Variants in CSMD1 observed in about 807,000 individuals in gnomAD.
CSMD1 encodes the protein CUB and Sushi multiple domains 1.
In CSMD1, 213 loss-of-function variants were observed where a neutral mutation model predicts 417.5. The ratio of observed to expected loss-of-function variants is 0.51; its 90% CI spans 0.46 to 0.57. CSMD1 has a LOEUF of 0.57. Ranked by LOEUF, CSMD1 falls within the 20% of genes least tolerant of loss-of-function variation. The pLI is 0.00. For synonymous variants in CSMD1, 2,862 were observed against 1,736.8 expected (o/e 1.65, Z -16.11); for missense variants, 6,923 against 4,529.7 (o/e 1.53, Z -15.17).
intron 7 of CSMD1, among the ~76,000 whole-genome samples, chr8:3,657,150 C>CA (rs985514919): frequency 9.9e-5 from 15 of 151,558 alleles, no homozygotes; most frequent in African/African-American, 3.6e-4. Flanking sequence ...CATTTGGCTA[C>CA]AAAAAAAAGT....
At chr8:3,836,930 C>T (rs1802747507) in intron 5 of CSMD1, among the ~76,000 whole-genome samples, 1 of 151,456 alleles carries the variant, frequency 6.6e-6, no homozygotes, top group Non-Finnish European at 1.5e-5. Context: ...AGTTAAATCT[C>T]AATGCACTAA....
At chr8:3,745,355 C>A (rs1329753033) in intron 6 of CSMD1, among the ~76,000 whole-genome samples, 1 of 152,190 alleles carries the variant, frequency 6.6e-6, no homozygotes, top group South Asian at 2.1e-4. Context: ...AAAACTACCA[C>A]TGAGACTGAG....
rs1025593692 is a variant in CSMD1, at chr8:4,454,519, A to G, written c.303-34454T>C. ...ATATACAATCCTTGGAAGCAAAGAA[A>G]AAGTGTGGTTTCTGATTTCTAATAC... On this transcript the variant is annotated intron_variant, in intron 2 of 69. Coordinates refer to ENST00000635120, the MANE Select transcript of CSMD1 (RefSeq NM_033225.6). 5.3e-5 allele frequency among the ~76,000 whole-genome samples: 8 copies of G among 152,298 alleles called. No homozygotes were observed. In the East Asian group the frequency reaches 9.7e-4, roughly 18 times the overall value.
intron 6 of CSMD1, among the ~76,000 whole-genome samples, chr8:3,736,238 T>C (rs984829571): frequency 1.3e-5 from 2 of 151,140 alleles, no homozygotes; most frequent in Non-Finnish European, 2.9e-5. Flanking sequence ...TGTGTATTTT[T>C]TTGTTTTGTT....
intron 41 of CSMD1, among the ~76,000 whole-genome samples, chr8:3,130,446 C>A (rs1817735446): frequency 6.6e-6 from 1 of 152,146 alleles, no homozygotes; most frequent in South Asian, 2.1e-4. Flanking sequence ...TCGCTTCCCC[C>A]AACCCCCATC....
intron 5 of CSMD1, among the ~76,000 whole-genome samples, chr8:3,791,261 G>A (rs1207759555): frequency 6.6e-6 from 1 of 152,136 alleles, no homozygotes; most frequent in Non-Finnish European, 1.5e-5. Context: ...TATATCCAAA[G>A]CATGTATGAT....
intron 10 of CSMD1, among the ~76,000 whole-genome samples, chr8:3,564,053 C>G (rs558024493): frequency 2.0e-5 from 3 of 152,052 alleles, no homozygotes; most frequent in African/African-American, 4.8e-5. Flanking sequence ...TGGGGGTACA[C>G]GTGATATTTT....
chr8:3,464,167 G>C (rs1198303698), intron 12 of CSMD1, among the ~76,000 whole-genome samples: 2 of 152,118 alleles, frequency 1.3e-5, no homozygotes. Flanking sequence ...CATGATTTCT[G>C]GAGATGCAGT....
intron 12 of CSMD1, among the ~76,000 whole-genome samples, chr8:3,446,836 T>C (rs931467223): frequency 1.3e-5 from 2 of 152,236 alleles, no homozygotes; most frequent in African/African-American, 4.8e-5. Flanking sequence ...GTTATTATTT[T>C]TGACTTCTAG....
At chr8:3,562,302 G>C (rs1354877372) in intron 10 of CSMD1, among the ~76,000 whole-genome samples, 2 of 127,866 alleles carry the variant, frequency 1.6e-5, no homozygotes, top group Admixed American at 7.6e-5. Context: ...TTAGAATCTA[G>C]AAAGACTTGG....
chr8:4,802,460 G>C (rs903380287), intron 1 of CSMD1, among the ~76,000 whole-genome samples: 4 of 151,976 alleles, frequency 2.6e-5, no homozygotes, highest in African/African-American at 9.7e-5. Context: ...CAGTGGACTT[G>C]AAAACAAACC....
chr8:4,355,898 G>C (rs887752950), intron 3 of CSMD1, among the ~76,000 whole-genome samples: 1 of 151,246 alleles, frequency 6.6e-6, no homozygotes, highest in African/African-American at 2.4e-5. Context: ...GCGCAGGTGA[G>C]TCTCATGATT....
At chr8:4,063,841 G>A (rs956777260) in intron 3 of CSMD1, among the ~76,000 whole-genome samples, 2 of 152,338 alleles carry the variant, frequency 1.3e-5, no homozygotes, top group African/African-American at 2.4e-5. Context: ...AAGGAACCAG[G>A]AGTAGACTAT....
At chr8:3,932,667 C>G (rs1489468571) in intron 5 of CSMD1, among the ~76,000 whole-genome samples, 1 of 150,394 alleles carries the variant, frequency 6.6e-6, no homozygotes. Context: ...TCTCAAAAAG[C>G]CGGTCCAATA....
intron 57 of CSMD1, among the ~76,000 whole-genome samples, chr8:2,971,935 G>C (rs914723177): frequency 6.6e-6 from 1 of 151,884 alleles, no homozygotes; most frequent in East Asian, 1.9e-4. Context: ...AATTATCTTG[G>C]ATTATCATGT....
chr8:4,285,717 G>A (rs1382825190), intron 3 of CSMD1, among the ~76,000 whole-genome samples: 2 of 152,282 alleles, frequency 1.3e-5, no homozygotes, highest in East Asian at 3.9e-4. Flanking sequence ...AACAGTCAGG[G>A]CCACAGGCTT....
At chr8:4,440,716 C>T (rs1421351593) in intron 2 of CSMD1, among the ~76,000 whole-genome samples, 1 of 152,042 alleles carries the variant, frequency 6.6e-6, no homozygotes, top group Non-Finnish European at 1.5e-5. Context: ...TTAATTCTGG[C>T]CGGGTGTGGT....
chr8:4,564,053 C>A (rs1042960954), intron 2 of CSMD1, among the ~76,000 whole-genome samples: 2 of 152,122 alleles, frequency 1.3e-5, no homozygotes, highest in Non-Finnish European at 2.9e-5. Context: ...AGCGAACATT[C>A]CTAGCATATC....
chr8:3,983,503 G>A (rs764930728), intron 5 of CSMD1, among the ~76,000 whole-genome samples: 2 of 152,166 alleles, frequency 1.3e-5, no homozygotes, highest in Non-Finnish European at 2.9e-5. Flanking sequence ...TATACTTACA[G>A]GACTTGGGAC....
Sources: allele counts gnomAD v4.1 joint callset (sites outside exome capture counted in the v4.1 genomes callset), GRCh38; gene constraint gnomAD v4.1.1; transcripts MANE v1.5; gene names NCBI Gene and HGNC (gene_info 2026-07-23, HGNC 2026-07-21).